NR1H3: variants seen among roughly 807,000 people sequenced by gnomAD.
NR1H3 encodes the protein oxysterols receptor LXR-alpha.
In NR1H3, 19 loss-of-function variants were observed where a neutral mutation model predicts 48.1. The observed-to-expected ratio is 0.40, with a 90% CI of 0.28 to 0.58. NR1H3 has a LOEUF of 0.58. NR1H3 is among the 20% of genes least tolerant of loss of function. The probability of loss-of-function intolerance (pLI) is 0.50; values close to 1 mark genes in which losing one functional copy is unlikely to be tolerated. For synonymous variants in NR1H3, 232 were observed against 227.3 expected (o/e 1.02, Z -0.19); for missense variants, 486 against 595.9 (o/e 0.82, Z 1.92).
At position 47,261,335 on chromosome 11, in the gene NR1H3, AC is replaced by A. The variant is rs779801455; in HGVS notation, c.601del (p.Gln201LysfsTer13). The A allele has an allele frequency of 8.1e-6, 13 of 1,612,250 alleles. No homozygotes were observed. The highest frequency in any genetic ancestry group is 1.7e-5 in the Admixed American group (1 of 59,858). ...ATSLPPRASS[P>X]PQILPQLSPE... is the part of the protein sequence containing the mutation. Reference sequence around the variant, plus strand: ...CATCCTTGCCCCCCAGGGCTTCCTCACCCCCCCAAATCCTGCCCCAGCTCAG... The same window carrying A: ...CATCCTTGCCCCCCAGGGCTTCCTCACCCCCCAAATCCTGCCCCAGCTCAG... On this transcript the variant is annotated frameshift_variant, in exon 5 of 10. Transcript: ENST00000441012. LOFTEE classifies it high-confidence loss of function.
At chr11:47,252,753 T>C (rs1954768757) in intron 1 of NR1H3, among the ~76,000 whole-genome samples, 1 of 150,888 alleles carries the variant, frequency 6.6e-6, no homozygotes. Flanking sequence ...TTTTTGGCTT[T>C]TTTTTTTTGT....
Position 47,259,910 on chromosome 11 carries a change from G to T in NR1H3, c.163G>T (p.Gly55Trp), listed in dbSNP as rs1247426204. The stretch of plus-strand genomic sequence containing the variant: ...GCCCCACTCTGCTGGGGGTACTGCA[G>T]GGGTGGGGCTGGAGGCTGCAGAGCC... Reference protein sequence around the residue: ...RMPHSAGGTAGVGLEAAEPTA... With the variant: ...RMPHSAGGTAWVGLEAAEPTA... The change falls in exon 3 of 10, where the codon GGG becomes TGG. Residue 55 changes from glycine to tryptophan, a missense_variant. By Grantham distance (184) the Gly-to-Trp change is radical (BLOSUM62 -2). Coordinates refer to ENST00000441012, the MANE Select transcript of NR1H3 (RefSeq NM_005693.4). The T allele has an allele frequency of 1.9e-6, 3 of 1,610,996 alleles. No individual in the cohort carries two copies. Among genetic ancestry groups the T allele is most frequent in the Admixed American group, 1.7e-5 (1 of 59,672 alleles).
intron 1 of NR1H3, among the ~76,000 whole-genome samples, chr11:47,251,285 A>G (rs993330096): frequency 6.6e-6 from 1 of 152,160 alleles, no homozygotes; most frequent in African/African-American, 2.4e-5. Flanking sequence ...ATAAAGAGGT[A>G]TCTGTCAAAG....
In NR1H3 at chr11:47,261,998, G is replaced by A. The variant is rs1245866931; in HGVS notation, c.968G>A (p.Arg323Gln). ...TTCCTCAAGGATTTCAGTTATAACC[G>A]GGAAGACTTTGCCAAAGCAGGTGAG... is the stretch of plus-strand genomic sequence containing the variant. ...ITFLKDFSYN[R>Q]EDFAKAGLQV... The change falls in exon 7 of 10, where the codon CGG becomes CAG. Residue 323 changes from arginine (R) to glutamine (Q), a missense_variant. Coordinates refer to ENST00000441012, the MANE Select transcript of NR1H3 (RefSeq NM_005693.4). The A allele has an allele frequency of 4.3e-6, 7 of 1,613,054 alleles. No individual in the cohort carries two copies. Among genetic ancestry groups the A allele is most frequent in the Non-Finnish European group, 5.9e-6 (7 of 1,179,172 alleles).
chr11:47,265,443 G>A (rs1220044061), intron 7 of NR1H3, among the ~76,000 whole-genome samples: 1 of 152,218 alleles, frequency 6.6e-6, no homozygotes, highest in African/African-American at 2.4e-5. Context: ...AAAGAAATCT[G>A]ACAAAGCCTG....
intron 1 of NR1H3, 56 bp downstream of exon 1, chr11:47,258,185 T>A: frequency 9.1e-6 from 9 of 984,688 alleles, no homozygotes; most frequent in Non-Finnish European, 1.1e-5. Flanking sequence ...TGGGGTGGGG[T>A]CGGGGAATGT....
intron 4 of NR1H3, among the ~76,000 whole-genome samples, 166 bp from the exon 5 acceptor site, chr11:47,261,075 T>A (rs1010764871): frequency 7.6e-6 from 1 of 131,030 alleles, no homozygotes; most frequent in Non-Finnish European, 1.6e-5. Context: ...AGTGTGAGAC[T>A]CTGTTTCAAA....
chr11:47,261,476 G>T lies in NR1H3; in HGVS notation c.708+27G>T, dbSNP rs765931603. 5.0e-6 allele frequency: 8 copies of T among 1,611,328 alleles called. No individual in the cohort carries two copies. In the South Asian group the frequency reaches 6.6e-5, roughly 13 times the overall value. On this transcript the variant is annotated intron_variant, in intron 5 of 9. Coordinates refer to ENST00000441012, the MANE Select transcript of NR1H3 (RefSeq NM_005693.4). ...TACTTGACACACCTGGGGAGAGGCG[G>T]CTGCGCCCAGATCACCAGTGGGCTT...
intron 4 of NR1H3, 101 bp from the exon 5 acceptor site, chr11:47,261,140 A>AC: frequency 2.4e-6 from 2 of 829,660 alleles, no homozygotes; most frequent in Non-Finnish European, 3.7e-6. Context: ...GGAGCCCCAA[A>AC]CCACCCCCTT....
intron 7 of NR1H3, 39 bp from the exon 8 acceptor site, chr11:47,267,874 C>A: frequency 1.4e-6 from 2 of 1,408,970 alleles, no homozygotes; most frequent in Non-Finnish European, 2.0e-6. Flanking sequence ...GTTCCTGCTG[C>A]TCCTGCTGCT....
chr11:47,252,899 T>C (rs1954779466), intron 1 of NR1H3, among the ~76,000 whole-genome samples: 1 of 151,616 alleles, frequency 6.6e-6, no homozygotes, highest in Non-Finnish European at 1.5e-5. Flanking sequence ...ATGGAGTGTA[T>C]TTGTGATTTT....
rs1749823142 is a variant in NR1H3 at position 47,251,007 on chromosome 11, AAGTT to A, written c.-93+2011_-93+2014del. The stretch of plus-strand genomic sequence containing the variant: ...ACCCCATCTCTACTAAAAATACAAA[AAGTT>A]AGCCGGGTGTGGTGGCAGGTGCCGG... On this transcript the variant is annotated intron_variant, in intron 1 of 8. Transcript: ENST00000395397. Among the ~76,000 whole-genome samples the A allele has an allele frequency of 2.0e-5, 3 of 151,974 alleles. No homozygotes were observed. The South Asian group carries it at 6.2e-4, about 32-fold the overall frequency.
chr11:47,261,704 T>C lies in NR1H3; in HGVS notation c.866T>C (p.Leu289Pro), dbSNP rs1433221944. 6.2e-7 allele frequency: 1 copy of C among 1,614,136 alleles called. No homozygotes were observed. The highest frequency in any genetic ancestry group is 8.5e-7 in the Non-Finnish European group (1 of 1,180,038). Reference sequence around the variant, plus strand: ...CTCAGCCGGGAGGACCAGATTGCCCTGCTGAAGACCTCTGCGATCGAGGTG... The same window carrying C: ...CTCAGCCGGGAGGACCAGATTGCCCCGCTGAAGACCTCTGCGATCGAGGTG... Reference protein sequence around the residue: ...LQLSREDQIALLKTSAIEVML... With the variant: ...LQLSREDQIAPLKTSAIEVML... The change falls in exon 6 of 10, where the codon CTG (leucine) becomes CCG (proline). Residue 289 changes from leucine (L) to proline (P), a missense_variant. Leu to Pro is a moderately conservative substitution (Grantham distance 98). Coordinates refer to ENST00000441012, the MANE Select transcript of NR1H3 (RefSeq NM_005693.4).
In NR1H3 at chr11:47,258,037, A is replaced by G. The variant is rs1955374495; in HGVS notation, c.-130A>G. On this transcript the variant is annotated 5_prime_UTR_variant, in exon 1 of 10. Coordinates refer to ENST00000441012, the MANE Select transcript of NR1H3 (RefSeq NM_005693.4). Reference sequence around the variant, plus strand: ...GCTCCAGCTCACTGGCTGGCCACCGAGACTTCTGGACAGGAAACTGCACCA... The same window carrying G: ...GCTCCAGCTCACTGGCTGGCCACCGGGACTTCTGGACAGGAAACTGCACCA... 1 of 985,056 alleles carries G rather than the reference A, an allele frequency of 1.0e-6. No homozygotes were observed. The highest frequency in any genetic ancestry group is 1.8e-5 in the African/African-American group (1 of 57,028). 61.0% of individuals were successfully genotyped at this position (985,056 alleles called of 1,614,324 possible).
At chr11:47,257,987 G>T (rs903968195), upstream of NR1H3, 24 of 985,732 alleles carry the variant, frequency 2.4e-5, no homozygotes, top group African/African-American at 3.5e-5. Flanking sequence ...TACTTCTCTG[G>T]GGCTCCAGGT....
At chr11:47,261,834 T>A in intron 6 of NR1H3, 85 bp from the exon 7 acceptor site, 1 of 1,596,632 alleles carries the variant, frequency 6.3e-7, no homozygotes, top group Non-Finnish European at 8.6e-7. Context: ...GAAGCAGGGA[T>A]GAGGAGAATC....
At chr11:47,266,199 G>C (rs747189832) in intron 7 of NR1H3, among the ~76,000 whole-genome samples, 5 of 152,094 alleles carry the variant, frequency 3.3e-5, no homozygotes, top group Non-Finnish European at 7.4e-5. Flanking sequence ...CTTTGAAACA[G>C]GGTCTCGCTC....
At chr11:47,253,730 G>A (rs1031736914), upstream of NR1H3, among the ~76,000 whole-genome samples, 6 of 152,228 alleles carry the variant, frequency 3.9e-5, no homozygotes, top group African/African-American at 1.4e-4. Context: ...GAAGAAACCT[G>A]TGGAGGTTCT....
chr11:47,254,947 C>T (rs1344594100), upstream of NR1H3, among the ~76,000 whole-genome samples: 4 of 152,210 alleles, frequency 2.6e-5, no homozygotes, highest in South Asian at 2.1e-4. Flanking sequence ...CCCTGGCCCC[C>T]GTCCTTCTAT....
Sources: gnomAD v4.1 joint callset for allele counts (sites outside exome capture counted in the v4.1 genomes callset) on GRCh38, gnomAD v4.1.1 for gene constraint, MANE v1.5 for transcripts, NCBI Gene and HGNC (gene_info 2026-07-23, HGNC 2026-07-21) for gene names.